Variants in CDH12 observed in about 807,000 individuals in gnomAD.
The protein encoded by CDH12 is cadherin-12.
In CDH12, 41 loss-of-function variants were observed where a neutral mutation model predicts 74.1. That is an observed-to-expected ratio of 0.55 (90% confidence interval 0.43 to 0.72). The LOEUF (loss-of-function observed/expected upper bound fraction) is 0.72, where lower values mean the gene tolerates loss of function less well. CDH12 is among the 30% of genes least tolerant of loss of function. CDH12 has a pLI of 0.00. For synonymous variants in CDH12, 399 were observed against 355.0 expected (o/e 1.12, Z -1.39); for missense variants, 945 against 977.2 (o/e 0.97, Z 0.44).
At position 21,802,209 on chromosome 5, in the gene CDH12, G is replaced by A. The variant is rs773063568; in HGVS notation, c.1214C>T (p.Ala405Val). The stretch of plus-strand genomic sequence containing the variant: ...TACATCCAGGTCTTGAGCAGTGACA[G>A]CGCCAATGATGGTCCCTACCGGAGT... ...EDTPVGTIIGAVTAQDLDVGS... is the reference protein window; with the variant it reads ...EDTPVGTIIGVVTAQDLDVGS... Residue 405 changes from alanine to valine, a missense_variant, in exon 10 of 15, where the codon GCT becomes GTT. Ala to Val is a moderately conservative substitution (Grantham distance 64). Coordinates refer to ENST00000382254, the MANE Select transcript of CDH12 (RefSeq NM_004061.5). 21 of 1,613,736 alleles carry A rather than the reference G, an allele frequency of 1.3e-5. No homozygotes were observed. In the South Asian group the frequency reaches 1.8e-4, roughly 13 times the overall value.
intron 1 of CDH12, among the ~76,000 whole-genome samples, chr5:22,791,282 T>C (rs2126383620): frequency 2.0e-5 from 3 of 152,144 alleles, no homozygotes; most frequent in Middle Eastern, 6.8e-3. Flanking sequence ...AGAAGAAAAA[T>C]AGATTGTAAG....
intron 1 of CDH12, among the ~76,000 whole-genome samples, chr5:22,526,525 G>T (rs141185713): frequency 6.6e-6 from 1 of 152,306 alleles, no homozygotes; most frequent in East Asian, 1.9e-4. Context: ...ATCAATAGCT[G>T]CATGTCAGGT....
chr5:22,442,208 G>A (rs1744655334), intron 2 of CDH12, among the ~76,000 whole-genome samples: 1 of 152,152 alleles, frequency 6.6e-6, no homozygotes. Flanking sequence ...ATAAGCATTA[G>A]TATCAAAAAC....
At chr5:22,464,774 G>T (rs1745656938) in intron 2 of CDH12, among the ~76,000 whole-genome samples, 1 of 152,074 alleles carries the variant, frequency 6.6e-6, no homozygotes, top group African/African-American at 2.4e-5. Flanking sequence ...AGCCCATGGA[G>T]GCAGATCACT....
At chr5:22,557,753 A>T (rs140824977) in intron 1 of CDH12, among the ~76,000 whole-genome samples, 230 of 152,226 alleles carry the variant, frequency 1.5e-3, no homozygotes, top group African/African-American at 5.5e-3. Context: ...AATCAATAGA[A>T]TACCAACTTA....
intron 2 of CDH12, among the ~76,000 whole-genome samples, chr5:22,428,479 T>C (rs575646576): frequency 3.3e-5 from 5 of 152,132 alleles, no homozygotes; most frequent in Non-Finnish European, 4.4e-5. Flanking sequence ...TGTGTGTGTA[T>C]GTGTTTATAG....
At chr5:22,738,369 C>T (rs528401614) in intron 1 of CDH12, among the ~76,000 whole-genome samples, 10 of 152,152 alleles carry the variant, frequency 6.6e-5, no homozygotes, top group African/African-American at 2.4e-4. Flanking sequence ...AAGGTATTAT[C>T]TTAAACCTAG....
At chr5:22,325,624 C>A (rs530058843) in intron 3 of CDH12, among the ~76,000 whole-genome samples, 2 of 152,104 alleles carry the variant, frequency 1.3e-5, no homozygotes, top group African/African-American at 4.8e-5. Context: ...CGGTGGCTCA[C>A]ACCTGTAATC....
chr5:22,694,874 C>A (rs1742270106), intron 1 of CDH12, among the ~76,000 whole-genome samples: 1 of 151,662 alleles, frequency 6.6e-6, no homozygotes, highest in Non-Finnish European at 1.5e-5. Context: ...GCAGAATGTG[C>A]AGGTTTGTTA....
intron 5 of CDH12, among the ~76,000 whole-genome samples, chr5:22,041,250 G>C (rs1169021028): frequency 6.6e-6 from 1 of 151,824 alleles, no homozygotes; most frequent in Non-Finnish European, 1.5e-5. Flanking sequence ...AAATAAACAA[G>C]AGCGGGGAAA....
At chr5:22,037,435 A>G (rs190194323) in intron 5 of CDH12, among the ~76,000 whole-genome samples, 3 of 152,330 alleles carry the variant, frequency 2.0e-5, no homozygotes, top group African/African-American at 7.2e-5. Flanking sequence ...TCCACAAGCC[A>G]AAGTATTCAG....
intron 6 of CDH12, chr5:21,884,440 A>C: frequency 1.3e-6 from 1 of 778,788 alleles, no homozygotes; most frequent in Non-Finnish European, 2.3e-6. Flanking sequence ...AATCACTATA[A>C]CCATCAGTTA....
chr5:22,458,814 G>T (rs1313625), intron 2 of CDH12, among the ~76,000 whole-genome samples: 9 of 151,926 alleles, frequency 5.9e-5, no homozygotes, highest in Non-Finnish European at 1.0e-4. Context: ...TCTTTTACTC[G>T]ATTTCAGCTA....
At chr5:21,917,046 TC>T (rs1449160475) in intron 6 of CDH12, among the ~76,000 whole-genome samples, 1 of 152,126 alleles carries the variant, frequency 6.6e-6, no homozygotes, top group Non-Finnish European at 1.5e-5. Context: ...GCTACACCTT[TC>T]CCTCCTCTCC....
intron 6 of CDH12, among the ~76,000 whole-genome samples, chr5:21,920,843 CA>C (rs1754320595): frequency 6.6e-6 from 1 of 151,876 alleles, no homozygotes; most frequent in African/African-American, 2.4e-5. Context: ...TTCAACAACC[CA>C]AAAACATTTA....
intron 10 of CDH12, among the ~76,000 whole-genome samples, chr5:21,792,084 A>G (rs895539276): frequency 6.6e-6 from 1 of 151,984 alleles, no homozygotes; most frequent in Non-Finnish European, 1.5e-5. Flanking sequence ...CTTTACTCTT[A>G]TCTCTTCTTA....
At chr5:22,045,211 A>T (rs372513337) in intron 5 of CDH12, among the ~76,000 whole-genome samples, 2 of 152,190 alleles carry the variant, frequency 1.3e-5, no homozygotes, top group Non-Finnish European at 2.9e-5. Context: ...AGCTAATCAT[A>T]AGAGAAAGCA....
chr5:22,398,352 A>G (rs1462778997), intron 3 of CDH12, among the ~76,000 whole-genome samples: 1 of 152,098 alleles, frequency 6.6e-6, no homozygotes, highest in African/African-American at 2.4e-5. Flanking sequence ...CACTGGGTAA[A>G]ATATATAATT....
chr5:22,645,140 C>T (rs532942374), intron 1 of CDH12, among the ~76,000 whole-genome samples: 1 of 151,990 alleles, frequency 6.6e-6, no homozygotes, highest in Non-Finnish European at 1.5e-5. Flanking sequence ...TTTTGTAAAG[C>T]AATAGTTGCC....
Sources: gnomAD v4.1 joint callset for allele counts (sites outside exome capture counted in the v4.1 genomes callset) on GRCh38, gnomAD v4.1.1 for gene constraint, MANE v1.5 for transcripts, NCBI Gene and HGNC (gene_info 2026-07-23, HGNC 2026-07-21) for gene names.